Variants in MMP26 observed in about 807,000 individuals in gnomAD.
MMP26 encodes matrix metalloproteinase-26.
MMP26 carries 33 observed loss-of-function variants against 31.0 expected under a neutral mutation model. The ratio of observed to expected loss-of-function variants is 1.06; its 90% confidence interval spans 0.81 to 1.42. MMP26 has a LOEUF of 1.42. Among genes scored for constraint, MMP26 ranks in the 40% most tolerant of loss-of-function variants. The pLI, the probability that MMP26 is intolerant of heterozygous loss-of-function variation, is 0.00. For missense variants in MMP26, 347 were observed against 316.1 expected, an observed-to-expected ratio of 1.10 and a Z score of -0.74; for synonymous variants, 122 against 114.9, an observed-to-expected ratio of 1.06 and a Z score of -0.40.
chr11:4,945,508 C>G (rs545301197), intron 2 of MMP26: 5 of 153,414 alleles, frequency 3.3e-5, no homozygotes, highest in African/African-American at 1.2e-4. Context: ...GACACTTACA[C>G]ATTCAATTTG....
chr11:4,776,379 C>G (rs1031078091), intron 2 of MMP26, among the ~76,000 whole-genome samples: 1 of 152,044 alleles, frequency 6.6e-6, no homozygotes, highest in African/African-American at 2.4e-5. Flanking sequence ...ATACCGTTTT[C>G]CATAGAGATT....
At chr11:4,745,749 G>T in intron 1 of MMP26, among the ~76,000 whole-genome samples, 1 of 152,240 alleles carries the variant, frequency 6.6e-6, no homozygotes, top group South Asian at 2.1e-4. Context: ...AGTCCTCTGT[G>T]CTCTGTCTAT....
chr11:4,795,605 T>C (rs575689126), intron 2 of MMP26, among the ~76,000 whole-genome samples: 2 of 152,304 alleles, frequency 1.3e-5, no homozygotes, highest in African/African-American at 4.8e-5. Flanking sequence ...ATTTCAAAGG[T>C]TAAATGTCCA....
Position 4,804,092 on chromosome 11 carries a change from A to G in MMP26, c.-145+36751A>G. On this transcript the variant is annotated intron_variant, in intron 2 of 7. Transcript: ENST00000380390. The stretch of plus-strand genomic sequence containing the variant: ...AACACCTGGATGAGGCAGGCATGGT[A>G]CTGAATCTCATGAGCATGAAACCAG... 29 of 1,614,122 alleles carry G rather than the reference A, an allele frequency of 1.8e-5. 1 individual carries two copies. Among genetic ancestry groups the G allele is most frequent in the Non-Finnish European group, 2.5e-5 (29 of 1,180,028 alleles).
At chr11:4,838,963 G>A (rs964695215) in intron 2 of MMP26, among the ~76,000 whole-genome samples, 1 of 152,218 alleles carries the variant, frequency 6.6e-6, no homozygotes, top group Non-Finnish European at 1.5e-5. Context: ...CAATGGCAGT[G>A]TGGTGCAGAG....
At chr11:4,798,938 T>G (rs192799138) in intron 2 of MMP26, among the ~76,000 whole-genome samples, 2 of 152,324 alleles carry the variant, frequency 1.3e-5, no homozygotes, top group Admixed American at 1.3e-4. Context: ...AGTTTGGTTC[T>G]AAGTCATGTT....
intron 2 of MMP26, among the ~76,000 whole-genome samples, chr11:4,872,489 GT>G (rs1194619748): frequency 1.3e-5 from 2 of 151,818 alleles, no homozygotes; most frequent in African/African-American, 4.8e-5. Flanking sequence ...ATAGATCATT[GT>G]CCCCCTCCCC....
At chr11:4,768,695 CAGTT>C (rs1280389152) in intron 2 of MMP26, among the ~76,000 whole-genome samples, 1 of 152,084 alleles carries the variant, frequency 6.6e-6, no homozygotes, top group East Asian at 1.9e-4. Flanking sequence ...GTCTTAAAAG[CAGTT>C]AGTAGAACAC....
intron 2 of MMP26, among the ~76,000 whole-genome samples, chr11:4,778,656 C>T (rs1235133331): frequency 6.6e-6 from 1 of 151,998 alleles, no homozygotes; most frequent in Non-Finnish European, 1.5e-5. Context: ...GGAAAACCTG[C>T]TAAAATGTTG....
At chr11:4,728,692 A>G (rs1164262742) in intron 1 of MMP26, among the ~76,000 whole-genome samples, 1 of 152,146 alleles carries the variant, frequency 6.6e-6, no homozygotes, top group Admixed American at 6.6e-5. Context: ...TCCCCTCTTA[A>G]TAGTCTTCCC....
chr11:4,740,584 G>A (rs1848299182), intron 1 of MMP26, among the ~76,000 whole-genome samples: 1 of 151,684 alleles, frequency 6.6e-6, no homozygotes, highest in African/African-American at 2.4e-5. Flanking sequence ...TCAGGAGGCC[G>A]AGGCAGGAGA....
intron 1 of MMP26, chr11:4,718,645 A>G (rs1013000569): frequency 3.9e-5 from 6 of 154,934 alleles, no homozygotes; most frequent in African/African-American, 1.4e-4. Flanking sequence ...CTCCACTTCC[A>G]TCATTTTCCT....
chr11:4,755,374 C>A (rs1848493523), intron 1 of MMP26, among the ~76,000 whole-genome samples: 1 of 151,834 alleles, frequency 6.6e-6, no homozygotes, highest in South Asian at 2.1e-4. Context: ...AATATCAGCC[C>A]ACATTGAATA....
chr11:4,859,645 A>G, intron 2 of MMP26: 1 of 460,208 alleles, frequency 2.2e-6, no homozygotes, highest in Non-Finnish European at 4.5e-6. Context: ...GAACACTTGA[A>G]AGATCATTCT....
At position 4,878,285 on chromosome 11, in the gene MMP26, C is replaced by T. The variant is rs548974821; in HGVS notation, c.-144-109783C>T. 3.5e-4 allele frequency among the ~76,000 whole-genome samples: 53 copies of T among 152,176 alleles called. 1 individual carries two copies. Among genetic ancestry groups the T allele is most frequent in the Admixed American group, 2.0e-3 (31 of 15,278 alleles). On this transcript the variant is annotated intron_variant, in intron 2 of 7. Transcript: ENST00000380390. The stretch of plus-strand genomic sequence containing the variant: ...TAATAACTTTTTTGAGAAATCTATC[C>T]GGACTGCTTAGTCCATTAGAATCAC...
intron 2 of MMP26, chr11:4,769,746 G>C: frequency 1.9e-6 from 3 of 1,613,878 alleles, no homozygotes; most frequent in Non-Finnish European, 2.5e-6. Flanking sequence ...ATGGGTTCAT[G>C]GAGACTCTGC....
chr11:4,971,756 A>G (rs1340744766), intron 2 of MMP26, among the ~76,000 whole-genome samples: 4 of 152,202 alleles, frequency 2.6e-5, no homozygotes, highest in Non-Finnish European at 5.9e-5. Context: ...ACATGACACC[A>G]ATATCTGGTT....
intron 2 of MMP26, among the ~76,000 whole-genome samples, chr11:4,856,929 C>T (rs948900177): frequency 3.3e-5 from 5 of 152,200 alleles, no homozygotes; most frequent in East Asian, 1.9e-4. Context: ...CACTCAAAAC[C>T]GCACAACTAC....
At chr11:4,757,070 C>T (rs1564902324) in intron 1 of MMP26, among the ~76,000 whole-genome samples, 1 of 151,860 alleles carries the variant, frequency 6.6e-6, no homozygotes, top group African/African-American at 2.4e-5. Flanking sequence ...GAAGAAACAA[C>T]CTGGATTGAA....
Sources: allele counts gnomAD v4.1 joint callset (sites outside exome capture counted in the v4.1 genomes callset), GRCh38; gene constraint gnomAD v4.1.1; transcripts MANE v1.5; gene names NCBI Gene and HGNC (gene_info 2026-07-23, HGNC 2026-07-21).